Variants in RORA observed in about 807,000 individuals in gnomAD.
RORA encodes the protein RAR related orphan receptor A.
In RORA, 7 loss-of-function variants were observed where a neutral mutation model predicts 69.5. The observed-to-expected ratio is 0.10, with a 90% CI of 0.06 to 0.19. The LOEUF is 0.19. Ranked by LOEUF, RORA falls within the 10% of genes least tolerant of loss-of-function variation. The pLI is 1.00. For missense variants in RORA, 457 were observed against 663.0 expected (o/e 0.69, Z 3.41); for synonymous variants, 261 against 240.8 (o/e 1.08, Z -0.78).
intron 1 of RORA, among the ~76,000 whole-genome samples, chr15:61,002,028 G>A (rs1383690386): frequency 6.6e-6 from 1 of 152,222 alleles, no homozygotes; most frequent in East Asian, 1.9e-4. Context: ...GGGAGCTGGT[G>A]GCCACCAAAT....
intron 1 of RORA, among the ~76,000 whole-genome samples, chr15:60,759,044 C>T (rs1311220278): frequency 1.3e-5 from 2 of 152,228 alleles, no homozygotes; most frequent in Non-Finnish European, 2.9e-5. Context: ...CTCCTTGCTA[C>T]ACCTTGATTC....
At chr15:60,602,385 G>A (rs917299548) in intron 2 of RORA, among the ~76,000 whole-genome samples, 1 of 152,058 alleles carries the variant, frequency 6.6e-6, no homozygotes, top group Non-Finnish European at 1.5e-5. Flanking sequence ...TTATCCCAAG[G>A]TCAGCTGCCA....
intron 1 of RORA, among the ~76,000 whole-genome samples, chr15:60,967,606 C>T (rs1173396628): frequency 6.6e-6 from 1 of 152,210 alleles, no homozygotes; most frequent in East Asian, 1.9e-4. Flanking sequence ...ATGCAAGTGC[C>T]ATAGGAAACA....
In RORA at chr15:60,495,929, A is replaced by ATCT. The variant is rs771701949; in HGVS notation, c.*1523_*1525dup. The ATCT allele has an allele frequency of 7.2e-5, 11 of 152,114 alleles. No homozygotes were observed. The highest frequency in any genetic ancestry group is 1.5e-4 in the Non-Finnish European group (10 of 68,024). 9.4% of individuals were successfully genotyped at this position (152,114 alleles called of 1,614,324 possible). Reference sequence around the variant, plus strand: ...CTCACCTGAACACACAAGCCAAATAATCTTCTAAATATTTAATAAAATAAA... The same window carrying ATCT: ...CTCACCTGAACACACAAGCCAAATAATCTTCTTCTAAATATTTAATAAAATAAA... On this transcript the variant is annotated 3_prime_UTR_variant, in exon 11 of 11. Coordinates refer to ENST00000335670, the MANE Select transcript of RORA (RefSeq NM_134261.3).
intron 1 of RORA, among the ~76,000 whole-genome samples, chr15:61,016,599 T>C (rs1277367034): frequency 6.6e-6 from 1 of 152,114 alleles, no homozygotes; most frequent in Non-Finnish European, 1.5e-5. Context: ...TCTACGAGCT[T>C]TGGGTCCCAT....
chr15:61,006,913 G>A (rs1046689309), intron 1 of RORA, among the ~76,000 whole-genome samples: 1 of 151,896 alleles, frequency 6.6e-6, no homozygotes, highest in Non-Finnish European at 1.5e-5. Context: ...ATCCTTCCTA[G>A]AATTATATGG....
chr15:61,169,538 C>T (rs1024548544), intron 1 of RORA, among the ~76,000 whole-genome samples: 20 of 151,616 alleles, frequency 1.3e-4, no homozygotes, highest in African/African-American at 3.9e-4. Flanking sequence ...GTAAACACCA[C>T]GGCTTCAGCA....
chr15:61,182,772 A>G (rs2079699708), intron 1 of RORA, among the ~76,000 whole-genome samples: 1 of 152,266 alleles, frequency 6.6e-6, no homozygotes, highest in Non-Finnish European at 1.5e-5. Context: ...GGACAGCTCG[A>G]TGGCATGACA....
chr15:61,131,978 G>C lies in RORA; in HGVS notation c.166+97075C>G, dbSNP rs1320327150. On this transcript the variant is annotated intron_variant, in intron 1 of 10. Coordinates refer to ENST00000335670, the MANE Select transcript of RORA (RefSeq NM_134261.3). This position sits in a 1 kb window ranked among gnomAD's most constrained non-coding sequence, Gnocchi z 4.2. ...CTAGTGGAGATGGAACTTATGGGTA[G>C]AATTCATGCCCCTTGGGGCATTCTC... 6.6e-6 allele frequency among the ~76,000 whole-genome samples: 1 copy of C among 152,228 alleles called. No individual in the cohort carries two copies.
chr15:60,898,876 C>T (rs556331064), intron 1 of RORA, among the ~76,000 whole-genome samples: 44 of 152,058 alleles, frequency 2.9e-4, no homozygotes, highest in African/African-American at 6.0e-4. Flanking sequence ...TTTCAGGAAG[C>T]GGATATGAGG....
rs912853490 is a variant in RORA, at chr15:60,938,376, A to G, written c.167-259690T>C. 1.3e-5 allele frequency among the ~76,000 whole-genome samples: 2 copies of G among 152,200 alleles called. 1 individual carries two copies. The highest frequency in any genetic ancestry group is 3.8e-4 in the East Asian group (2 of 5,202). ...AATAAAGATGATCATTGTTACCATG[A>G]CAATTAAGTTTCTGCAGTGGAAGGT... On this transcript the variant is annotated intron_variant, in intron 1 of 10. Coordinates refer to ENST00000335670, the MANE Select transcript of RORA (RefSeq NM_134261.3).
At chr15:60,823,930 CA>C (rs1015022368) in intron 1 of RORA, among the ~76,000 whole-genome samples, 8 of 151,970 alleles carry the variant, frequency 5.3e-5, no homozygotes, top group African/African-American at 1.2e-4. Context: ...CATATTAATA[CA>C]TTTTTTTTGG....
intron 1 of RORA, among the ~76,000 whole-genome samples, chr15:61,215,712 TG>T (rs1236475625): frequency 6.6e-6 from 1 of 152,250 alleles, no homozygotes; most frequent in African/African-American, 2.4e-5. Flanking sequence ...AAATTCACTT[TG>T]CACAGAACCA....
chr15:61,202,237 C>T (rs2079901995), intron 1 of RORA, among the ~76,000 whole-genome samples: 1 of 152,142 alleles, frequency 6.6e-6, no homozygotes, highest in South Asian at 2.1e-4. Context: ...GTCTCAAACT[C>T]CTGGCCTCGT....
At chr15:60,980,116 T>C (rs1023875124) in intron 1 of RORA, among the ~76,000 whole-genome samples, 7 of 152,186 alleles carry the variant, frequency 4.6e-5, no homozygotes, top group Non-Finnish European at 1.0e-4. Context: ...AAATCCTTTT[T>C]CTATATCTAT....
chr15:60,572,077 A>G (rs1595993827), intron 2 of RORA, among the ~76,000 whole-genome samples: 1 of 152,220 alleles, frequency 6.6e-6, no homozygotes, highest in South Asian at 2.1e-4. Flanking sequence ...ATGAGATTCC[A>G]TAAGTCTATG....
At chr15:60,701,653 G>A (rs1021475431) in intron 1 of RORA, among the ~76,000 whole-genome samples, 5 of 152,160 alleles carry the variant, frequency 3.3e-5, no homozygotes, top group East Asian at 1.9e-4. Context: ...CACAGGCTCC[G>A]GGGAGTGCCC....
At chr15:61,227,771 C>A (rs1232464151) in intron 1 of RORA, among the ~76,000 whole-genome samples, 1 of 152,206 alleles carries the variant, frequency 6.6e-6, no homozygotes, top group African/African-American at 2.4e-5. Flanking sequence ...CTGGAGAAAT[C>A]CTCTCCGTCC....
intron 1 of RORA, among the ~76,000 whole-genome samples, chr15:61,167,811 C>T (rs1371316507): frequency 2.6e-5 from 4 of 152,206 alleles, no homozygotes; most frequent in African/African-American, 9.6e-5. Context: ...ATTCAGGACC[C>T]TCCAAGGTGG....
Sources: allele counts gnomAD v4.1 joint callset (sites outside exome capture counted in the v4.1 genomes callset), GRCh38; gene constraint gnomAD v4.1.1; non-coding constraint Gnocchi (gnomAD v3.1); transcripts MANE v1.5; gene names NCBI Gene and HGNC (gene_info 2026-07-23, HGNC 2026-07-21).